Variants in LRRC4C observed in about 807,000 individuals in gnomAD.
LRRC4C encodes leucine rich repeat containing 4C.
A neutral mutation model predicts 33.6 loss-of-function variants in LRRC4C; 5 were observed. The observed-to-expected ratio is 0.15, with a 90% CI of 0.08 to 0.31. The LOEUF is 0.31. Ranked by LOEUF, LRRC4C falls within the 10% of genes least tolerant of loss-of-function variation. The pLI, the probability that LRRC4C is intolerant of heterozygous loss-of-function variation, is 1.00. For synonymous variants in LRRC4C, 329 were observed against 302.0 expected, an observed-to-expected ratio of 1.09 and a Z score of -0.93; for missense variants, 560 against 796.7, an observed-to-expected ratio of 0.70 and a Z score of 3.58.
chr11:40,118,553 A>G (rs1855602465), intron 6 of LRRC4C, among the ~76,000 whole-genome samples: 1 of 152,194 alleles, frequency 6.6e-6, no homozygotes, highest in Admixed American at 6.5e-5. Flanking sequence ...GGAGGTTTCA[A>G]AGAAGATGGA....
intron 3 of LRRC4C, among the ~76,000 whole-genome samples, chr11:40,506,417 G>A (rs931238444): frequency 6.6e-6 from 1 of 152,216 alleles, no homozygotes; most frequent in Non-Finnish European, 1.5e-5. Flanking sequence ...TTCAGTAAAC[G>A]GAATTAGCGT....
chr11:40,311,280 A>T (rs139873916), intron 4 of LRRC4C, among the ~76,000 whole-genome samples: 101 of 152,308 alleles, frequency 6.6e-4, no homozygotes, highest in African/African-American at 2.3e-3. Flanking sequence ...TGTTCCTCTT[A>T]TCTCTACCAT....
chr11:41,230,714 A>C (rs1316294909), intron 1 of LRRC4C, among the ~76,000 whole-genome samples: 2 of 152,048 alleles, frequency 1.3e-5, no homozygotes, highest in African/African-American at 4.8e-5. Context: ...TTCATGTCTA[A>C]AATACCAAAA....
chr11:40,787,401 A>C (rs1950455777), intron 2 of LRRC4C, among the ~76,000 whole-genome samples: 1 of 152,222 alleles, frequency 6.6e-6, no homozygotes, highest in East Asian at 1.9e-4. Flanking sequence ...GCTTGCTGAC[A>C]AGTGAGAGGC....
At chr11:40,350,975 G>GT (rs527571742) in intron 3 of LRRC4C, among the ~76,000 whole-genome samples, 3 of 151,926 alleles carry the variant, frequency 2.0e-5, no homozygotes, top group Non-Finnish European at 4.4e-5. Flanking sequence ...AGTTTTAACA[G>GT]TTTTTTTGAT....
At chr11:40,626,136 C>G (rs528482380) in intron 3 of LRRC4C, among the ~76,000 whole-genome samples, 1 of 152,288 alleles carries the variant, frequency 6.6e-6, no homozygotes, top group Non-Finnish European at 1.5e-5. Flanking sequence ...ATGCAACCAT[C>G]TTTGCTCATT....
chr11:41,012,841 G>A (rs7948645), intron 1 of LRRC4C, among the ~76,000 whole-genome samples: 24,579 of 151,962 alleles, frequency 0.16, 2,179 homozygotes, highest in African/African-American at 0.22. Context: ...ATGATTTGTG[G>A]TACTGAACAT....
intron 3 of LRRC4C, among the ~76,000 whole-genome samples, chr11:40,428,841 A>G (rs923722823): frequency 6.6e-6 from 1 of 152,196 alleles, no homozygotes; most frequent in Admixed American, 6.5e-5. Context: ...TATAGTTGAA[A>G]TGAAATCCAA....
At chr11:40,848,867 C>T (rs1186588132) in intron 2 of LRRC4C, among the ~76,000 whole-genome samples, 2 of 152,114 alleles carry the variant, frequency 1.3e-5, no homozygotes, top group Non-Finnish European at 1.5e-5. Context: ...GTTAAATCTT[C>T]TTGTTGAATT....
intron 1 of LRRC4C, among the ~76,000 whole-genome samples, chr11:41,084,582 C>T (rs969850212): frequency 6.6e-6 from 1 of 152,186 alleles, no homozygotes; most frequent in African/African-American, 2.4e-5. Context: ...GGCACAGTGG[C>T]TCACGCCTGT....
chr11:41,191,409 C>A (rs1028843681), intron 1 of LRRC4C, among the ~76,000 whole-genome samples: 2 of 152,158 alleles, frequency 1.3e-5, no homozygotes, highest in South Asian at 2.1e-4. Flanking sequence ...TCACTCTTTT[C>A]CCTTCAACTA....
At chr11:41,324,746 G>T (rs1201407490) in intron 1 of LRRC4C, among the ~76,000 whole-genome samples, 1 of 152,138 alleles carries the variant, frequency 6.6e-6, no homozygotes, top group African/African-American at 2.4e-5. Flanking sequence ...TCAGGGATGT[G>T]GGGAAAATAA....
rs536189056 is a variant in LRRC4C at position 40,561,664 on chromosome 11, A to G, written c.-270+86478T>C. On this transcript the variant is annotated intron_variant, in intron 3 of 6. Coordinates refer to ENST00000528697, the MANE Select transcript of LRRC4C (RefSeq NM_001258419.2). Reference sequence around the variant, plus strand: ...CCTGACCTTGTGATCCGCCTGCCTCAGCATCCCAAAGTGCTGGGATTACAG... The same window carrying G: ...CCTGACCTTGTGATCCGCCTGCCTCGGCATCCCAAAGTGCTGGGATTACAG... Among the ~76,000 whole-genome samples, 111 of 152,014 alleles carry G rather than the reference A, an allele frequency of 7.3e-4. 2 individuals are homozygous for G. Among genetic ancestry groups the G allele is most frequent in the Non-Finnish European group, 1.0e-3 (71 of 68,006 alleles).
chr11:40,598,616 A>T (rs1181431806), intron 3 of LRRC4C, among the ~76,000 whole-genome samples: 1 of 152,140 alleles, frequency 6.6e-6, no homozygotes, highest in Non-Finnish European at 1.5e-5. Context: ...CAAATCCTCC[A>T]TCTCTTTCAA....
At chr11:41,081,035 CT>C (rs1227967287) in intron 1 of LRRC4C, among the ~76,000 whole-genome samples, 1 of 152,084 alleles carries the variant, frequency 6.6e-6, no homozygotes, top group Non-Finnish European at 1.5e-5. Flanking sequence ...GAAATTGTCT[CT>C]TAAAATGAAA....
intron 3 of LRRC4C, among the ~76,000 whole-genome samples, chr11:40,505,580 T>C (rs141214916): frequency 6.6e-6 from 1 of 152,284 alleles, no homozygotes; most frequent in African/African-American, 2.4e-5. Flanking sequence ...AATGATAATC[T>C]TTCCTTGGCT....
chr11:40,683,036 C>T (rs546125115), intron 2 of LRRC4C, among the ~76,000 whole-genome samples: 1 of 152,100 alleles, frequency 6.6e-6, no homozygotes, highest in Non-Finnish European at 1.5e-5. Context: ...GAAACGGTTA[C>T]CAAGAGTAGA....
rs534020185 is a variant in LRRC4C at position 40,472,522 on chromosome 11, T to G, written c.-269-152801A>C. Among the ~76,000 whole-genome samples the G allele has an allele frequency of 3.9e-5, 5 of 129,166 alleles. No homozygotes were observed. The East Asian group carries it at 1.3e-3, about 34-fold the overall frequency. 84.7% of individuals were successfully genotyped at this position (129,166 alleles called of 152,430 possible). On this transcript the variant is annotated intron_variant, in intron 3 of 6. Coordinates refer to ENST00000528697, the MANE Select transcript of LRRC4C (RefSeq NM_001258419.2). ...AGGAGAAAGCAGGAAAGATTTAAAA[T>G]CAACACCCTAACATCACAATTAAAA...
At chr11:41,356,947 A>G (rs1249862362) in intron 1 of LRRC4C, among the ~76,000 whole-genome samples, 1 of 152,176 alleles carries the variant, frequency 6.6e-6, no homozygotes, top group Non-Finnish European at 1.5e-5. Context: ...GGAGTTCTAC[A>G]AGAGTGATTC....
Sources: allele counts gnomAD v4.1 joint callset (sites outside exome capture counted in the v4.1 genomes callset), GRCh38; gene constraint gnomAD v4.1.1; transcripts MANE v1.5; gene names NCBI Gene and HGNC (gene_info 2026-07-23, HGNC 2026-07-21).